Variants in SLC26A3 observed in about 807,000 individuals in gnomAD.
SLC26A3 encodes the protein chloride anion exchanger.
In SLC26A3, 64 loss-of-function variants were observed where a neutral mutation model predicts 85.6. The ratio of observed to expected loss-of-function variants is 0.75; its 90% confidence interval spans 0.61 to 0.92. The LOEUF (loss-of-function observed/expected upper bound fraction) is 0.92, where lower values mean the gene tolerates loss of function less well. SLC26A3 is among the 40% of genes least tolerant of loss of function. SLC26A3 has a pLI of 0.00. For synonymous variants in SLC26A3, 349 were observed against 336.0 expected, an observed-to-expected ratio of 1.04 and a Z score of -0.42; for missense variants, 922 against 927.3, an observed-to-expected ratio of 0.99 and a Z score of 0.07.
In SLC26A3 at chr7:107,786,850, A is replaced by G; in HGVS notation, c.948T>C (p.Ala316=). 2 of 1,614,042 alleles carry G rather than the reference A, an allele frequency of 1.2e-6. No homozygotes were observed. Among genetic ancestry groups the G allele is most frequent in the Non-Finnish European group, 8.5e-7 (1 of 1,179,938 alleles). ...GCDFKNRFKV[A]VVGDMNPGFQ... is the part of the protein sequence containing the mutation. Reference sequence around the variant, plus strand: ...ACCCAGGATTCATGTCCCCAACCACAGCCACTTTAAACCTGTTTTTAAAGT... The same window carrying G: ...ACCCAGGATTCATGTCCCCAACCACGGCCACTTTAAACCTGTTTTTAAAGT... The change falls in exon 8 of 21, where the codon GCT becomes GCC. Residue 316 remains alanine (A), a synonymous_variant. Coordinates refer to ENST00000340010, the MANE Select transcript of SLC26A3 (RefSeq NM_000111.3).
intron 2 of SLC26A3, 80 bp from the exon 3 acceptor site, chr7:107,793,961 G>T: frequency 2.6e-6 from 4 of 1,559,446 alleles, no homozygotes; most frequent in African/African-American, 1.4e-5. Flanking sequence ...AATTGGTAAA[G>T]ATGGTAATAT....
At chr7:107,780,157 G>A (rs1794193924) in intron 11 of SLC26A3, among the ~76,000 whole-genome samples, 1 of 151,662 alleles carries the variant, frequency 6.6e-6, no homozygotes, top group Non-Finnish European at 1.5e-5. Flanking sequence ...GATGGGGGTT[G>A]CTCTTTGTTA....
chr7:107,779,544 T>C (rs1179530130), intron 12 of SLC26A3, 124 bp downstream of exon 12: 11 of 769,722 alleles, frequency 1.4e-5, no homozygotes, highest in Non-Finnish European at 2.4e-5. Flanking sequence ...CAAACTAAGG[T>C]TTTTTTGAAC....
At position 107,767,707 on chromosome 7, in the gene SLC26A3, A is replaced by C. The variant is rs186937282; in HGVS notation, c.2205+59T>G. The C allele has an allele frequency of 1.6e-5, 25 of 1,609,746 alleles. No individual in the cohort carries two copies. In the African/African-American group the frequency reaches 3.3e-4, roughly 21 times the overall value. On this transcript the variant is annotated intron_variant, in intron 19 of 20. Coordinates refer to ENST00000340010, the MANE Select transcript of SLC26A3 (RefSeq NM_000111.3). ...ATTTTTTTTAATGTTGAAAAAGAGA[A>C]ATTTAAGGAGTGCAGATGGCTGCTT...
Position 107,778,266 on chromosome 7 carries a change from T to G in SLC26A3, c.1423A>C (p.Thr475Pro). Residue 475 changes from threonine (T) to proline (P), a missense_variant, in exon 13 of 21, where the codon ACC becomes CCC. Thr to Pro is a conservative substitution (Grantham distance 38). Coordinates refer to ENST00000340010, the MANE Select transcript of SLC26A3 (RefSeq NM_000111.3). ...CCCAGGACAATGGTGAAGATGAAGGTCATGATCCAAATTAACTGTGAAAAG... is the reference window on the plus strand; with the variant it reads ...CCCAGGACAATGGTGAAGATGAAGGGCATGATCCAAATTAACTGTGAAAAG... ...DKYDCLIWIM[T>P]FIFTIVLGLG... is the part of the protein sequence containing the mutation. 5 of 1,612,276 alleles carry G rather than the reference T, an allele frequency of 3.1e-6. No homozygotes were observed. The highest frequency in any genetic ancestry group is 4.2e-6 in the Non-Finnish European group (5 of 1,178,758).
intron 13 of SLC26A3, among the ~76,000 whole-genome samples, chr7:107,777,918 A>T (rs1202046958): frequency 1.3e-5 from 2 of 152,178 alleles, no homozygotes; most frequent in Admixed American, 1.3e-4. Flanking sequence ...GATTTATATG[A>T]TTTATTTGAA....
At position 107,783,236 on chromosome 7, in the gene SLC26A3, A is replaced by C. The variant is rs1308768164; in HGVS notation, c.1088T>G (p.Leu363Arg). The C allele has an allele frequency of 6.2e-7, 1 of 1,614,198 alleles. No homozygotes were observed. ...GCCATCAAGTGGATAATCGTATTTGAGGGAATAGACGCTGGCAACTGAAAA... is the reference window on the plus strand; with the variant it reads ...GCCATCAAGTGGATAATCGTATTTGCGGGAATAGACGCTGGCAACTGAAAA... ...VAFSVASVYS[L>R]KYDYPLDGNQ... Residue 363 changes from leucine to arginine, a missense_variant, in exon 9 of 21, where the codon CTC (leucine) becomes CGC (arginine). Coordinates refer to ENST00000340010, the MANE Select transcript of SLC26A3 (RefSeq NM_000111.3).
intron 1 of SLC26A3, among the ~76,000 whole-genome samples, chr7:107,796,919 CT>C (rs1270734901): frequency 6.6e-6 from 1 of 151,244 alleles, no homozygotes; most frequent in Non-Finnish European, 1.5e-5. Flanking sequence ...TATTAGTTGT[CT>C]TCCCCAAAAA....
At chr7:107,794,297 G>A in intron 2 of SLC26A3, 82 bp downstream of exon 2, 3 of 1,485,688 alleles carry the variant, frequency 2.0e-6, no homozygotes, top group Non-Finnish European at 2.8e-6. Context: ...GAGCCAGAAA[G>A]GAGAGTTGGA....
rs114513884 is a variant in SLC26A3 at position 107,794,743 on chromosome 7, G to A, written c.-88-146C>T. 1.2e-3 allele frequency: 625 copies of A among 518,652 alleles called. 8 individuals carry two copies. The highest frequency in any genetic ancestry group is 0.011 in the African/African-American group (564 of 52,224). 32.1% of individuals were successfully genotyped at this position (518,652 alleles called of 1,614,324 possible). On this transcript the variant is annotated intron_variant, in intron 1 of 20. Transcript: ENST00000340010. ...GACCTAGATTGTGTTTTGCGACAGC[G>A]ATGTTTTATTCCAGTGAGCTGGACG... is the stretch of plus-strand genomic sequence containing the variant.
intron 1 of SLC26A3, among the ~76,000 whole-genome samples, chr7:107,799,458 T>A (rs1181024871): frequency 6.6e-6 from 1 of 152,114 alleles, no homozygotes; most frequent in Non-Finnish European, 1.5e-5. Context: ...TGGCGCGATT[T>A]CATTTCACTG....
In SLC26A3 at chr7:107,783,270, C is replaced by A; in HGVS notation, c.1054G>T (p.Ala352Ser). ...DCFGIAMVAF[A>S]VAFSVASVYS... ...ACGCTGGCAACTGAAAAGGCCACTG[C>A]AAATGCAACCATTGCGATGCCGAAG... The change falls in exon 9 of 21, where the codon GCA (alanine) becomes TCA (serine). Residue 352 changes from alanine (A) to serine (S), a missense_variant. Coordinates refer to ENST00000340010, the MANE Select transcript of SLC26A3 (RefSeq NM_000111.3). 1 of 1,614,232 alleles carries A rather than the reference C, an allele frequency of 6.2e-7. No homozygotes were observed. The highest frequency in any genetic ancestry group is 8.5e-7 in the Non-Finnish European group (1 of 1,180,026).
In SLC26A3 at chr7:107,787,382, A is replaced by C. The variant is rs767986225; in HGVS notation, c.863T>G (p.Val288Gly). The C allele has an allele frequency of 6.2e-7, 1 of 1,614,124 alleles. No homozygotes were observed. Among genetic ancestry groups the C allele is most frequent in the Non-Finnish European group, 8.5e-7 (1 of 1,179,994 alleles). ...CATAATGAATTCGATTGGAATGGGC[A>C]CTGGAAGTTTGTCTTTGAAGCGCTG... ...INQRFKDKLPVPIPIEFIMTV... is the reference protein window; with the variant it reads ...INQRFKDKLPGPIPIEFIMTV... Residue 288 changes from valine (V) to glycine (G), a missense_variant, in exon 7 of 21, where the codon GTG becomes GGG. Transcript: ENST00000340010.
Position 107,798,041 on chromosome 7 carries a change from C to G in SLC26A3, c.-88-3444G>C, listed in dbSNP as rs147971333. On this transcript the variant is annotated intron_variant, in intron 1 of 20. Coordinates refer to ENST00000340010, the MANE Select transcript of SLC26A3 (RefSeq NM_000111.3). Reference sequence around the variant, plus strand: ...GGATTGAAATTCATTCACAGAGTCCCTTCCTCTTACTAATTATAGAATCCC... The same window carrying G: ...GGATTGAAATTCATTCACAGAGTCCGTTCCTCTTACTAATTATAGAATCCC... 3.1e-3 allele frequency among the ~76,000 whole-genome samples: 471 copies of G among 152,124 alleles called. 6 individuals carry two copies. Among genetic ancestry groups the G allele is most frequent in the African/African-American group, 0.011 (448 of 41,496 alleles).
chr7:107,783,109 G>A lies in SLC26A3; in HGVS notation c.1120-16C>T, dbSNP rs1468839358. 57 of 1,613,526 alleles carry A rather than the reference G, an allele frequency of 3.5e-5. No homozygotes were observed. Among genetic ancestry groups the A allele is most frequent in the Non-Finnish European group, 4.7e-5 (55 of 1,179,420 alleles). On this transcript the variant is annotated splice_polypyrimidine_tract_variant and intron_variant, in intron 9 of 20. Transcript: ENST00000340010. The stretch of plus-strand genomic sequence containing the variant: ...CTATTAACTCCTGACAGGAAGACAA[G>A]AATGAACCTTTTTCAGAAGTGGCAC...
chr7:107,766,397 G>A (rs1793915682), intron 20 of SLC26A3, among the ~76,000 whole-genome samples: 1 of 152,168 alleles, frequency 6.6e-6, no homozygotes, highest in African/African-American at 2.4e-5. Context: ...CAATTACTGA[G>A]GAGAGGGTTT....
At chr7:107,790,999 GT>G in intron 5 of SLC26A3, 48 bp downstream of exon 5, 2 of 1,585,370 alleles carry the variant, frequency 1.3e-6, no homozygotes, top group Non-Finnish European at 1.7e-6. Context: ...ATGTGTAACA[GT>G]CAAGATGAAC....
intron 15 of SLC26A3, 86 bp from the exon 16 acceptor site, chr7:107,774,958 T>C (rs1318716633): frequency 1.0e-6 from 1 of 1,003,550 alleles, no homozygotes; most frequent in Non-Finnish European, 1.6e-6. Context: ...CTGGAGTGAT[T>C]TGAGGGATTG....
rs138080580 is a variant in SLC26A3, at chr7:107,778,616, C to T, written c.1408-335G>A. 5.1e-3 allele frequency among the ~76,000 whole-genome samples: 776 copies of T among 152,200 alleles called. 7 individuals carry two copies. Among genetic ancestry groups the T allele is most frequent in the South Asian group, 0.02 (96 of 4,820 alleles). ...CAACTCATTTAGGAAATGGAATTAT[C>T]TGTCACAGTGATAATTATAATTGCA... On this transcript the variant is annotated intron_variant, in intron 12 of 20. Coordinates refer to ENST00000340010, the MANE Select transcript of SLC26A3 (RefSeq NM_000111.3).
Sources: gnomAD v4.1 joint callset for allele counts (sites outside exome capture counted in the v4.1 genomes callset) on GRCh38, gnomAD v4.1.1 for gene constraint, MANE v1.5 for transcripts, NCBI Gene and HGNC (gene_info 2026-07-23, HGNC 2026-07-21) for gene names.